STXBP5L: variants seen among roughly 807,000 people sequenced by gnomAD.
STXBP5L encodes the protein syntaxin binding protein 5L.
In STXBP5L, 65 loss-of-function variants were observed where a neutral mutation model predicts 144.5. That is an observed-to-expected ratio of 0.45 (90% CI 0.37 to 0.55). STXBP5L has a LOEUF of 0.55. Among genes scored for constraint, STXBP5L ranks in the 20% least tolerant of loss-of-function variants. The probability of loss-of-function intolerance (pLI) is 0.00; values close to 1 mark genes in which losing one functional copy is unlikely to be tolerated. For synonymous variants in STXBP5L, 505 were observed against 469.6 expected, an observed-to-expected ratio of 1.08 and a Z score of -0.97; for missense variants, 1,298 against 1,405.5, an observed-to-expected ratio of 0.92 and a Z score of 1.22.
intron 24 of STXBP5L, among the ~76,000 whole-genome samples, chr3:121,414,098 AAATAAATAAT>A (rs1358720395): frequency 6.6e-6 from 1 of 152,102 alleles, no homozygotes; most frequent in Non-Finnish European, 1.5e-5. Flanking sequence ...ATGTTTTTTT[AAATAAATAAT>A]AATAAATATT....
intron 21 of STXBP5L, among the ~76,000 whole-genome samples, chr3:121,379,372 G>T (rs1238929384): frequency 6.6e-6 from 1 of 152,090 alleles, no homozygotes; most frequent in Non-Finnish European, 1.5e-5. Context: ...TATGGAATGA[G>T]TGTGGGGCGG....
intron 5 of STXBP5L, among the ~76,000 whole-genome samples, chr3:121,108,092 T>C (rs921205263): frequency 6.6e-6 from 1 of 152,250 alleles, no homozygotes; most frequent in African/African-American, 2.4e-5. Context: ...AAGTTGCTTA[T>C]CAGCTTAAGA....
At chr3:121,337,842 A>C (rs1486829022) in intron 20 of STXBP5L, among the ~76,000 whole-genome samples, 1 of 152,176 alleles carries the variant, frequency 6.6e-6, no homozygotes, top group Non-Finnish European at 1.5e-5. Flanking sequence ...TTAAAAATTG[A>C]AATTATATCA....
chr3:121,047,148 C>G (rs1947573813), intron 5 of STXBP5L, among the ~76,000 whole-genome samples: 1 of 151,904 alleles, frequency 6.6e-6, no homozygotes, highest in Non-Finnish European at 1.5e-5. Flanking sequence ...AATTTCCATC[C>G]AATTGTATGG....
Position 121,165,335 on chromosome 3 carries a change from C to T in STXBP5L, c.877+7708C>T, listed in dbSNP as rs532472232. 3.3e-5 allele frequency among the ~76,000 whole-genome samples: 5 copies of T among 152,148 alleles called. 1 individual carries two copies. The South Asian group carries it at 8.3e-4, about 25-fold the overall frequency. On this transcript the variant is annotated intron_variant, in intron 9 of 26. Coordinates refer to ENST00000471454, the MANE Select transcript of STXBP5L (RefSeq NM_001308330.2). ...TGTTTTATCTGCATATATATAATTC[C>T]GCATTGGGAACTATTTTCCCCCAGC... is the stretch of plus-strand genomic sequence containing the variant.
At chr3:120,963,570 A>T (rs1240856850) in intron 3 of STXBP5L, among the ~76,000 whole-genome samples, 1 of 152,140 alleles carries the variant, frequency 6.6e-6, no homozygotes, top group African/African-American at 2.4e-5. Context: ...TTGATGGATT[A>T]TGTTTATTGA....
chr3:121,108,202 A>C (rs1017207441), intron 5 of STXBP5L, among the ~76,000 whole-genome samples: 7 of 152,110 alleles, frequency 4.6e-5, no homozygotes, highest in African/African-American at 4.8e-5. Flanking sequence ...AATACGCTTT[A>C]TTTCTTTCTC....
In STXBP5L at chr3:121,304,468, G is replaced by A. The variant is rs191557263; in HGVS notation, c.2111-14007G>A. 4.3e-3 allele frequency among the ~76,000 whole-genome samples: 655 copies of A among 152,108 alleles called. 8 individuals are homozygous for A. Among genetic ancestry groups the A allele is most frequent in the African/African-American group, 9.7e-3 (404 of 41,524 alleles). On this transcript the variant is annotated intron_variant, in intron 19 of 26. Coordinates refer to ENST00000471454, the MANE Select transcript of STXBP5L (RefSeq NM_001308330.2). ...TAACATTCACAAGGATAGACTGGGC[G>A]ATAAAACAAGTTATAATAAATTACA...
intron 7 of STXBP5L, among the ~76,000 whole-genome samples, chr3:121,147,723 A>C (rs933785930): frequency 6.6e-6 from 1 of 152,192 alleles, no homozygotes; most frequent in Non-Finnish European, 1.5e-5. Context: ...GAATATTTAA[A>C]TCTGTAGACT....
chr3:121,177,607 A>G (rs2046985861), intron 9 of STXBP5L, among the ~76,000 whole-genome samples: 1 of 152,194 alleles, frequency 6.6e-6, no homozygotes, highest in Non-Finnish European at 1.5e-5. Flanking sequence ...AAAACAAAAC[A>G]AAACAAAAAC....
chr3:121,317,982 C>A, intron 19 of STXBP5L, among the ~76,000 whole-genome samples: 1 of 151,876 alleles, frequency 6.6e-6, no homozygotes, highest in East Asian at 1.9e-4. Flanking sequence ...GTTAAAACCC[C>A]TTCTAATTCT....
chr3:121,312,329 C>A (rs1486417604), intron 19 of STXBP5L, among the ~76,000 whole-genome samples: 5 of 142,820 alleles, frequency 3.5e-5, no homozygotes, highest in African/African-American at 5.2e-5. Flanking sequence ...CAACAAAAGC[C>A]AGAATTGACA....
chr3:121,210,949 T>G (rs1254560848), intron 10 of STXBP5L, among the ~76,000 whole-genome samples: 3 of 152,216 alleles, frequency 2.0e-5, no homozygotes, highest in African/African-American at 7.2e-5. Context: ...TTAAAGTAGT[T>G]TTTTTCAATT....
At chr3:120,947,756 G>T (rs1264993503) in intron 2 of STXBP5L, among the ~76,000 whole-genome samples, 2 of 151,712 alleles carry the variant, frequency 1.3e-5, no homozygotes, top group African/African-American at 4.8e-5. Context: ...CATTTTCAAG[G>T]TTCATCTATG....
At chr3:121,348,893 CT>C in intron 20 of STXBP5L, among the ~76,000 whole-genome samples, 1 of 151,974 alleles carries the variant, frequency 6.6e-6, no homozygotes, top group East Asian at 1.9e-4. Context: ...TTTTGTTGAC[CT>C]TTTCAAAAAA....
chr3:120,945,896 A>G (rs1194542491), intron 2 of STXBP5L, among the ~76,000 whole-genome samples: 1 of 151,850 alleles, frequency 6.6e-6, no homozygotes, highest in Non-Finnish European at 1.5e-5. Flanking sequence ...CAGACATGCA[A>G]GCATGAACCC....
At chr3:121,126,500 A>G (rs1253374406) in intron 7 of STXBP5L, among the ~76,000 whole-genome samples, 1 of 152,190 alleles carries the variant, frequency 6.6e-6, no homozygotes, top group East Asian at 1.9e-4. Context: ...CCATGCAGTG[A>G]CATCACAGTT....
chr3:120,936,726 C>G (rs1245791303), intron 2 of STXBP5L, among the ~76,000 whole-genome samples: 1 of 152,088 alleles, frequency 6.6e-6, no homozygotes, highest in Admixed American at 6.5e-5. Context: ...TCTCCTGCCT[C>G]AGCCTCCCAA....
intron 19 of STXBP5L, among the ~76,000 whole-genome samples, chr3:121,304,904 A>G (rs1286044352): frequency 6.6e-6 from 1 of 152,096 alleles, no homozygotes; most frequent in Non-Finnish European, 1.5e-5. Context: ...ACAAAACCCC[A>G]AAACAGTTCT....
Sources: gnomAD v4.1 joint callset for allele counts (sites outside exome capture counted in the v4.1 genomes callset) on GRCh38, gnomAD v4.1.1 for gene constraint, MANE v1.5 for transcripts, NCBI Gene and HGNC (gene_info 2026-07-23, HGNC 2026-07-21) for gene names.